Variants in SH3BP5L observed in about 807,000 individuals in gnomAD.
SH3BP5L encodes SH3 binding domain protein 5 like.
A neutral mutation model predicts 40.9 loss-of-function variants in SH3BP5L; 16 were observed. The ratio of observed to expected loss-of-function variants is 0.39; its 90% CI spans 0.27 to 0.59. The LOEUF (loss-of-function observed/expected upper bound fraction) is 0.59, where lower values mean the gene tolerates loss of function less well. Ranked by LOEUF, SH3BP5L falls within the 20% of genes least tolerant of loss-of-function variation. The probability of loss-of-function intolerance (pLI) is 0.53; values close to 1 mark genes in which losing one functional copy is unlikely to be tolerated. For synonymous variants in SH3BP5L, 229 were observed against 226.7 expected (o/e 1.01, Z -0.09); for missense variants, 471 against 544.6 (o/e 0.86, Z 1.35).
intron 4 of SH3BP5L, chr1:248,814,829 G>A (rs1365712732): frequency 1.5e-6 from 1 of 674,072 alleles, no homozygotes; most frequent in African/African-American, 1.8e-5. Flanking sequence ...TGCCAGTGGA[G>A]GGTAGATGTG....
chr1:248,823,175 G>A (rs936029076), intron 2 of SH3BP5L, among the ~76,000 whole-genome samples: 1 of 152,200 alleles, frequency 6.6e-6, no homozygotes, highest in Non-Finnish European at 1.5e-5. Context: ...CTCTGGAGCA[G>A]GGCAAGGAAG....
At chr1:248,816,962 C>T (rs1413971494) in intron 2 of SH3BP5L, 78 bp from the exon 3 acceptor site, 2 of 1,607,276 alleles carry the variant, frequency 1.2e-6, no homozygotes, top group Non-Finnish European at 1.7e-6. Context: ...AGGAGCAACA[C>T]AGAGAGAGAG....
At position 248,816,874 on chromosome 1, in the gene SH3BP5L, T is replaced by C. The variant is rs755867700; in HGVS notation, c.194A>G (p.Glu65Gly). The change falls in exon 3 of 7, where the codon GAG becomes GGG. Residue 65 changes from glutamate (E) to glycine (G), a missense_variant. Physicochemically the swap from Glu to Gly is moderately conservative, Grantham distance 98. Transcript: ENST00000366472. ...ELDPRIQEEL[E>G]HLNQASEEIN... ...CTCCTCGCTGGCCTGGTTCAGGTGC[T>C]CCAACTCCTCCTGCCACAGAGAGGG... 1 of 1,614,084 alleles carries C rather than the reference T, an allele frequency of 6.2e-7. No homozygotes were observed. The highest frequency in any genetic ancestry group is 1.3e-5 in the African/African-American group (1 of 75,014).
Position 248,825,007 on chromosome 1 carries a change from G to A in SH3BP5L, c.-72C>T. On this transcript the variant is annotated 5_prime_UTR_variant, in exon 2 of 7. Coordinates refer to ENST00000366472, the MANE Select transcript of SH3BP5L (RefSeq NM_030645.3). ...TGCTGGGACCAGGGCCCCAGCTTGG[G>A]GCTTCCTGGGCTCTAGATGGCCAGG... 6.6e-7 allele frequency: 1 copy of A among 1,515,404 alleles called. No individual in the cohort carries two copies. Among genetic ancestry groups the A allele is most frequent in the African/African-American group, 1.4e-5 (1 of 71,576 alleles). The allele number at this position is 1,515,404 out of a possible 1,614,324, so 93.9% of individuals were successfully genotyped here.
In SH3BP5L at chr1:248,814,552, T is replaced by C. The variant is rs142800203; in HGVS notation, c.434A>G (p.Asn145Ser). 1.4e-5 allele frequency: 23 copies of C among 1,614,074 alleles called. No individual in the cohort carries two copies. Among genetic ancestry groups the C allele is most frequent in the Non-Finnish European group, 1.9e-5 (22 of 1,180,040 alleles). ...LRYERAVSMH[N>S]AAREMVFVAE... The stretch of plus-strand genomic sequence containing the variant: ...CACAAACACCATTTCTCGAGCAGCG[T>C]TGTGCATGCTTACGGCCCGCTCGTA... The change falls in exon 5 of 7, where the codon AAC (asparagine) becomes AGC (serine). Residue 145 changes from asparagine (N) to serine (S), a missense_variant. By Grantham distance (46) the Asn-to-Ser change is conservative. Coordinates refer to ENST00000366472, the MANE Select transcript of SH3BP5L (RefSeq NM_030645.3).
At chr1:248,818,542 C>T (rs528882154) in intron 2 of SH3BP5L, among the ~76,000 whole-genome samples, 136 of 152,252 alleles carry the variant, frequency 8.9e-4, no homozygotes, top group African/African-American at 2.9e-3. Flanking sequence ...TGACCATGAC[C>T]GCAGGTCCCT....
chr1:248,822,811 C>T (rs375574923), intron 2 of SH3BP5L, among the ~76,000 whole-genome samples: 7 of 152,152 alleles, frequency 4.6e-5, no homozygotes, highest in Admixed American at 3.9e-4. Context: ...TACAGGCACC[C>T]GCCACAACAC....
Position 248,811,332 on chromosome 1 carries a change from G to A in SH3BP5L, c.*568C>T, listed in dbSNP as rs1663909181. The A allele has an allele frequency of 6.5e-6, 1 of 153,414 alleles. No homozygotes were observed. The highest frequency in any genetic ancestry group is 1.5e-5 in the Non-Finnish European group (1 of 68,922). 9.5% of individuals were successfully genotyped at this position (153,414 alleles called of 1,614,324 possible). ...CTGAAGGGAAAGGTGGTGTCTTCCG[G>A]AGGCACACAGTACATCTTACAGGTT... On this transcript the variant is annotated 3_prime_UTR_variant, in exon 7 of 7. Transcript: ENST00000366472.
In SH3BP5L at chr1:248,812,421, T is replaced by G. The variant is rs757079500; in HGVS notation, c.712-51A>C. The G allele has an allele frequency of 7.1e-7, 1 of 1,417,464 alleles. No homozygotes were observed. The highest frequency in any genetic ancestry group is 9.8e-7 in the Non-Finnish European group (1 of 1,021,502). The allele number at this position is 1,417,464 out of a possible 1,614,324, so 87.8% of individuals were successfully genotyped here. ...CGACCCATGGGGCACGTCTCCACCT[T>G]CCTCAGCACTCTGCACTGAGGTCTG... On this transcript the variant is annotated intron_variant, in intron 6 of 6. Transcript: ENST00000366472. This position sits in a 1 kb window ranked among gnomAD's most constrained non-coding sequence, Gnocchi z 6.1.
In SH3BP5L at chr1:248,812,223, G is replaced by C. The variant is rs757361561; in HGVS notation, c.859C>G (p.Arg287Gly). 1.5e-5 allele frequency: 24 copies of C among 1,607,596 alleles called. No individual in the cohort carries two copies. Among genetic ancestry groups the C allele is most frequent in the Non-Finnish European group, 2.0e-5 (23 of 1,178,006 alleles). Residue 287 changes from arginine to glycine, a missense_variant, in exon 7 of 7, where the codon CGG (arginine) becomes GGG (glycine). By Grantham distance (125) the Arg-to-Gly change is moderately radical (BLOSUM62 -2). Coordinates refer to ENST00000366472, the MANE Select transcript of SH3BP5L (RefSeq NM_030645.3). This position sits in a 1 kb window ranked among gnomAD's most constrained non-coding sequence, Gnocchi z 6.1. ...GGLPPHPLGP[R>G]RSSPVGAEAG... ...TCGGCCCCCACGGGGGAGGAGCGCCGAGGGCCCAGGGGGTGGGGAGGCAGA... is the reference window on the plus strand; with the variant it reads ...TCGGCCCCCACGGGGGAGGAGCGCCCAGGGCCCAGGGGGTGGGGAGGCAGA...
intron 2 of SH3BP5L, among the ~76,000 whole-genome samples, chr1:248,817,762 A>T (rs1237549540): frequency 2.0e-5 from 3 of 152,172 alleles, no homozygotes; most frequent in Non-Finnish European, 4.4e-5. Flanking sequence ...CTGAGGCAGG[A>T]GAATCACTTG....
At position 248,816,621 on chromosome 1, in the gene SH3BP5L, C is replaced by T. The variant is rs377704198; in HGVS notation, c.288G>A (p.Ala96=). The T allele has an allele frequency of 1.4e-4, 224 of 1,614,022 alleles. 2 individuals carry two copies. Among genetic ancestry groups the T allele is most frequent in the South Asian group, 4.8e-4 (44 of 91,090 alleles). ...GGGAACCCTGTGTATTCAGTTTCCTCGCCGACTCCTGTAGGATCCTCCGAT... is the reference window on the plus strand; with the variant it reads ...GGGAACCCTGTGTATTCAGTTTCCTTGCCGACTCCTGTAGGATCCTCCGAT... ...TTYRRILQES[A]RKLNTQGSHL... Residue 96 remains alanine (A), a synonymous_variant, in exon 4 of 7, where the codon GCG becomes GCA. Coordinates refer to ENST00000366472, the MANE Select transcript of SH3BP5L (RefSeq NM_030645.3).
chr1:248,825,883 C>T lies in SH3BP5L; in HGVS notation c.-480G>A. On this transcript the variant is annotated 5_prime_UTR_variant, in exon 1 of 7. Transcript: ENST00000366472. ...GAGCTTCTATGCTGCAAACAATCTC[C>T]CCCCCTCCCTCCCCGCAACAAGCCG... is the stretch of plus-strand genomic sequence containing the variant. 3.5e-6 allele frequency: 3 copies of T among 854,200 alleles called. No individual in the cohort carries two copies. The highest frequency in any genetic ancestry group is 2.7e-6 in the Non-Finnish European group (2 of 751,598). 52.9% of individuals were successfully genotyped at this position (854,200 alleles called of 1,614,324 possible).
At chr1:248,820,480 TTC>T in intron 2 of SH3BP5L, 1 of 152,212 alleles carries the variant, frequency 6.6e-6, no homozygotes, top group Non-Finnish European at 1.5e-5. Context: ...GAGTGACCAG[TTC>T]TTTCAGCACC....
intron 2 of SH3BP5L, among the ~76,000 whole-genome samples, chr1:248,822,108 G>A (rs77193300): frequency 0.036 from 5,427 of 152,182 alleles, 309 homozygotes; most frequent in African/African-American, 0.12. Context: ...TTTTATGGAC[G>A]GTGGATGGAA....
intron 2 of SH3BP5L, among the ~76,000 whole-genome samples, chr1:248,822,082 A>G (rs1195899151): frequency 6.6e-6 from 1 of 152,166 alleles, no homozygotes; most frequent in East Asian, 1.9e-4. Context: ...GGTATTTTTG[A>G]AGCTCCCTGG....
chr1:248,818,442 C>CA (rs1664166444), intron 2 of SH3BP5L, among the ~76,000 whole-genome samples: 1 of 152,068 alleles, frequency 6.6e-6, no homozygotes, highest in Non-Finnish European at 1.5e-5. Context: ...ACGCAGGACA[C>CA]AGAATCACAG....
intron 2 of SH3BP5L, among the ~76,000 whole-genome samples, chr1:248,820,041 T>C (rs912019251): frequency 1.3e-5 from 2 of 152,234 alleles, no homozygotes; most frequent in African/African-American, 4.8e-5. Context: ...TCCATACTTT[T>C]ACTTTTTTAA....
intron 2 of SH3BP5L, 173 bp from the exon 3 acceptor site, chr1:248,817,057 A>G: frequency 1.3e-6 from 2 of 1,534,326 alleles, no homozygotes; most frequent in Non-Finnish European, 1.7e-6. Context: ...CTTGTCTATC[A>G]GGGACCTGAT....
Sources: allele counts gnomAD v4.1 joint callset (sites outside exome capture counted in the v4.1 genomes callset), GRCh38; gene constraint gnomAD v4.1.1; non-coding constraint Gnocchi (gnomAD v3.1); transcripts MANE v1.5; gene names NCBI Gene and HGNC (gene_info 2026-07-23, HGNC 2026-07-21).